Variants in PLCL1 observed in about 807,000 individuals in gnomAD.
PLCL1 encodes the protein inactive phospholipase C-like protein 1.
PLCL1 carries 41 observed loss-of-function variants against 84.4 expected under a neutral mutation model. The observed-to-expected ratio is 0.49, with a 90% CI of 0.38 to 0.63. The LOEUF (loss-of-function observed/expected upper bound fraction) is 0.63, where lower values mean the gene tolerates loss of function less well. Ranked by LOEUF, PLCL1 falls within the 30% of genes least tolerant of loss-of-function variation. The probability of loss-of-function intolerance (pLI) is 0.00; values close to 1 mark genes in which losing one functional copy is unlikely to be tolerated. For missense variants in PLCL1, 1,206 were observed against 1,367.8 expected, an observed-to-expected ratio of 0.88 and a Z score of 1.87; for synonymous variants, 490 against 488.3, an observed-to-expected ratio of 1.00 and a Z score of -0.05.
rs192179034 is a variant in PLCL1 at position 198,017,000 on chromosome 2, G to A, written c.241-66758G>A. On this transcript the variant is annotated intron_variant, in intron 1 of 5. Coordinates refer to ENST00000428675, the MANE Select transcript of PLCL1 (RefSeq NM_006226.4). The stretch of plus-strand genomic sequence containing the variant: ...TTCATGCCGTGCTTCTGCAGATTTT[G>A]GTGGGGAGGCGGTAATAGGGGAATG... 5.3e-5 allele frequency among the ~76,000 whole-genome samples: 8 copies of A among 152,206 alleles called. 1 individual carries two copies. The highest frequency in any genetic ancestry group is 1.9e-4 in the African/African-American group (8 of 41,528).
intron 1 of PLCL1, among the ~76,000 whole-genome samples, chr2:197,843,060 A>G (rs1259622683): frequency 1.3e-5 from 2 of 152,058 alleles, no homozygotes; most frequent in African/African-American, 4.8e-5. Context: ...TACTTTTCTC[A>G]TATTTCTTTA....
chr2:197,862,816 T>C (rs951129905), intron 1 of PLCL1, among the ~76,000 whole-genome samples: 7 of 152,144 alleles, frequency 4.6e-5, no homozygotes, highest in Non-Finnish European at 2.9e-5. Context: ...ATACCTTGAT[T>C]GTCTCAGGCC....
chr2:197,993,580 A>T (rs78951871), intron 1 of PLCL1, among the ~76,000 whole-genome samples: 4,082 of 152,128 alleles, frequency 0.027, 194 homozygotes, highest in African/African-American at 0.092. Flanking sequence ...TAGAGTCATT[A>T]TCACCCCTGG....
At chr2:197,816,965 G>T (rs968646990) in intron 1 of PLCL1, among the ~76,000 whole-genome samples, 1 of 152,164 alleles carries the variant, frequency 6.6e-6, no homozygotes, top group African/African-American at 2.4e-5. Context: ...CCTTGTGGAT[G>T]CTTTATTGTG....
At chr2:197,807,011 G>A (rs1054209269) in intron 1 of PLCL1, among the ~76,000 whole-genome samples, 2 of 152,018 alleles carry the variant, frequency 1.3e-5, no homozygotes, top group African/African-American at 4.8e-5. Context: ...AAAAAAGGAG[G>A]GAGACAACAG....
In PLCL1 at chr2:197,981,739, A is replaced by G. The variant is rs564553994; in HGVS notation, c.241-102019A>G. ...AACGAATTTATCCATAGCAATCTGT[A>G]AAATAAATCTGTGTAGAAAGACGTC... On this transcript the variant is annotated intron_variant, in intron 1 of 5. Coordinates refer to ENST00000428675, the MANE Select transcript of PLCL1 (RefSeq NM_006226.4). 4.6e-5 allele frequency among the ~76,000 whole-genome samples: 7 copies of G among 152,330 alleles called. No homozygotes were observed. The South Asian group carries it at 1.4e-3, about 32-fold the overall frequency.
At chr2:198,079,666 A>G (rs1692661697) in intron 1 of PLCL1, among the ~76,000 whole-genome samples, 1 of 152,206 alleles carries the variant, frequency 6.6e-6, no homozygotes, top group Admixed American at 6.5e-5. Flanking sequence ...ATTTCAAAAG[A>G]CAGTAGATCC....
At chr2:197,935,394 G>C (rs1025004617) in intron 1 of PLCL1, among the ~76,000 whole-genome samples, 1 of 152,164 alleles carries the variant, frequency 6.6e-6, no homozygotes, top group African/African-American at 2.4e-5. Context: ...TAAAGAAAAT[G>C]TGGTGCATAG....
At chr2:197,995,345 C>G (rs543102063) in intron 1 of PLCL1, among the ~76,000 whole-genome samples, 1 of 152,246 alleles carries the variant, frequency 6.6e-6, no homozygotes, top group South Asian at 2.1e-4. Flanking sequence ...TTATGTGTCA[C>G]AGGCATTGTT....
At chr2:198,071,953 A>T (rs1692474719) in intron 1 of PLCL1, among the ~76,000 whole-genome samples, 1 of 151,908 alleles carries the variant, frequency 6.6e-6, no homozygotes, top group South Asian at 2.1e-4. Flanking sequence ...ATTCGTTAAC[A>T]CTAATAATTG....
At chr2:197,957,180 T>A (rs1275816409) in intron 1 of PLCL1, among the ~76,000 whole-genome samples, 1 of 152,110 alleles carries the variant, frequency 6.6e-6, no homozygotes, top group Non-Finnish European at 1.5e-5. Context: ...AGGAATTATC[T>A]TTTCTTTCTT....
At chr2:198,145,296 A>G (rs1694493573) in intron 5 of PLCL1, among the ~76,000 whole-genome samples, 1 of 152,116 alleles carries the variant, frequency 6.6e-6, no homozygotes, top group Non-Finnish European at 1.5e-5. Flanking sequence ...GGTGTAGTAA[A>G]TATTTTTTCT....
chr2:198,018,404 G>A (rs1691051091), intron 1 of PLCL1, among the ~76,000 whole-genome samples: 1 of 152,114 alleles, frequency 6.6e-6, no homozygotes, highest in Admixed American at 6.5e-5. Flanking sequence ...CCTGGAATAG[G>A]GGCTGAAGCC....
At chr2:198,072,377 A>T (rs1692483677) in intron 1 of PLCL1, among the ~76,000 whole-genome samples, 2 of 149,770 alleles carry the variant, frequency 1.3e-5, no homozygotes, top group African/African-American at 2.4e-5. Context: ...TTTTCATTTG[A>T]TCTTTTGGGA....
chr2:198,132,797 T>C (rs906583003), intron 5 of PLCL1, among the ~76,000 whole-genome samples: 4 of 152,000 alleles, frequency 2.6e-5, no homozygotes, highest in African/African-American at 7.3e-5. Context: ...ACTCTGATGG[T>C]AGTTTCTTTT....
intron 1 of PLCL1, among the ~76,000 whole-genome samples, chr2:197,960,062 A>G (rs540604513): frequency 5.3e-5 from 8 of 152,232 alleles, no homozygotes; most frequent in African/African-American, 1.9e-4. Flanking sequence ...CTATCTCTTC[A>G]TTGTGAGTGT....
chr2:197,845,655 C>G (rs952567107), intron 1 of PLCL1, among the ~76,000 whole-genome samples: 2 of 152,098 alleles, frequency 1.3e-5, no homozygotes, highest in African/African-American at 2.4e-5. Context: ...ACCACTCCAT[C>G]CTAAAACTCT....
At chr2:197,814,088 C>T (rs1690642653) in intron 1 of PLCL1, among the ~76,000 whole-genome samples, 1 of 152,080 alleles carries the variant, frequency 6.6e-6, no homozygotes, top group Non-Finnish European at 1.5e-5. Context: ...TCCATTTTCC[C>T]TTGAGAGGAG....
In PLCL1 at chr2:197,997,239, G is replaced by A. The variant is rs995255792; in HGVS notation, c.241-86519G>A. On this transcript the variant is annotated intron_variant, in intron 1 of 5. Transcript: ENST00000428675. ...TTTCTCTCTTCCCCCTTAATGGGGC[G>A]GGGGCGTGAGCCCAGCTGGCTGCTG... 3.3e-5 allele frequency among the ~76,000 whole-genome samples: 5 copies of A among 152,318 alleles called. No individual in the cohort carries two copies. The East Asian group carries it at 5.8e-4, about 18-fold the overall frequency.
Sources: allele counts gnomAD v4.1 joint callset (sites outside exome capture counted in the v4.1 genomes callset), GRCh38; gene constraint gnomAD v4.1.1; transcripts MANE v1.5; gene names NCBI Gene and HGNC (gene_info 2026-07-23, HGNC 2026-07-21).